SLC26A4: variants seen among roughly 807,000 people sequenced by gnomAD.
The protein encoded by SLC26A4 is solute carrier family 26 member 4.
In SLC26A4, 93 loss-of-function variants were observed where a neutral mutation model predicts 90.4. That is an observed-to-expected ratio of 1.03 (90% CI 0.87 to 1.22). The LOEUF is 1.22. Ranked by LOEUF, SLC26A4 falls within the 50% of genes most tolerant of loss-of-function variation. SLC26A4 has a pLI of 0.00. For missense variants in SLC26A4, 1,127 were observed against 946.2 expected, an observed-to-expected ratio of 1.19 and a Z score of -2.51; for synonymous variants, 393 against 354.6, an observed-to-expected ratio of 1.11 and a Z score of -1.22.
intron 10 of SLC26A4, among the ~76,000 whole-genome samples, 162 bp from the exon 11 acceptor site, chr7:107,694,241 G>A (rs1287252511): frequency 6.6e-6 from 1 of 152,150 alleles, no homozygotes; most frequent in Non-Finnish European, 1.5e-5. Context: ...TTTGTGGCTT[G>A]AGCAAATAAC....
chr7:107,684,379 G>A (rs1465784422), intron 8 of SLC26A4, among the ~76,000 whole-genome samples: 1 of 152,204 alleles, frequency 6.6e-6, no homozygotes, highest in African/African-American at 2.4e-5. Flanking sequence ...GGAGGGGAGG[G>A]AAGGGCACGG....
rs777544398 is a variant in SLC26A4, at chr7:107,683,512, G to A, written c.976G>A (p.Gly326Ser). Reference sequence around the variant, plus strand: ...CAACCTGGAAAAAAATTACAATGCTGGCATTGTTAAATCCATCCCAAGGGG... The same window carrying A: ...CAACCTGGAAAAAAATTACAATGCTAGCATTGTTAAATCCATCCCAAGGGG... ...GANLEKNYNA[G>S]IVKSIPRGFL... The change falls in exon 8 of 21, where the codon GGC becomes AGC. Residue 326 changes from glycine to serine, a missense_variant. Gly to Ser is a moderately conservative substitution (Grantham distance 56, BLOSUM62 0). Coordinates refer to ENST00000644269, the MANE Select transcript of SLC26A4 (RefSeq NM_000441.2). 4 of 1,613,548 alleles carry A rather than the reference G, an allele frequency of 2.5e-6. No individual in the cohort carries two copies. The South Asian group carries it at 4.4e-5, about 18-fold the overall frequency.
At chr7:107,714,546 T>C (rs1165141554) in intron 20 of SLC26A4, among the ~76,000 whole-genome samples, 3 of 152,170 alleles carry the variant, frequency 2.0e-5, no homozygotes, top group Non-Finnish European at 4.4e-5. Flanking sequence ...GGATATAGGG[T>C]GCCTTAGTTT....
At position 107,710,132 on chromosome 7, in the gene SLC26A4, A is replaced by T; in HGVS notation, c.2168A>T (p.His723Leu). 6.2e-7 allele frequency: 1 copy of T among 1,609,094 alleles called. No homozygotes were observed. The highest frequency in any genetic ancestry group is 1.1e-5 in the South Asian group (1 of 90,998). ...IRKDTFFLTV[H>L]DAILYLQNQV... ...AAGGACACATTCTTTTTGACGGTCC[A>T]TGATGCTATACTCTATCTACAGAAC... is the stretch of plus-strand genomic sequence containing the variant. The change falls in exon 19 of 21, where the codon CAT becomes CTT. Residue 723 changes from histidine (H) to leucine (L), a missense_variant. Coordinates refer to ENST00000644269, the MANE Select transcript of SLC26A4 (RefSeq NM_000441.2).
intron 6 of SLC26A4, among the ~76,000 whole-genome samples, chr7:107,678,722 TAA>T (rs1243904332): frequency 1.5e-5 from 2 of 134,140 alleles, no homozygotes; most frequent in Non-Finnish European, 1.6e-5. Context: ...GTGGTGAATA[TAA>T]GTTTGCTCTT....
intron 20 of SLC26A4, among the ~76,000 whole-genome samples, 168 bp from the exon 21 acceptor site, chr7:107,715,255 T>C (rs1471895623): frequency 1.3e-5 from 2 of 150,828 alleles, no homozygotes; most frequent in African/African-American, 4.9e-5. Flanking sequence ...AAAAAAAGTA[T>C]AATGAATACG....
At chr7:107,711,518 G>A (rs1466551901) in intron 19 of SLC26A4, among the ~76,000 whole-genome samples, 3 of 152,134 alleles carry the variant, frequency 2.0e-5, no homozygotes, top group Non-Finnish European at 4.4e-5. Context: ...TAAACAAATA[G>A]ACTAAGCATA....
At chr7:107,701,356 C>T (rs113982162) in intron 16 of SLC26A4, among the ~76,000 whole-genome samples, 160 bp downstream of exon 16, 10 of 152,156 alleles carry the variant, frequency 6.6e-5, no homozygotes, top group East Asian at 1.9e-4. Context: ...TATAGGCAAG[C>T]GGGAGTGGAA....
chr7:107,667,277 A>T (rs903422000), intron 3 of SLC26A4, among the ~76,000 whole-genome samples: 7 of 151,958 alleles, frequency 4.6e-5, no homozygotes, highest in Admixed American at 2.0e-4. Context: ...GATATTTACA[A>T]GAGTGGGAAT....
At chr7:107,715,066 T>TA (rs543905042) in intron 20 of SLC26A4, among the ~76,000 whole-genome samples, 3,434 of 98,656 alleles carry the variant, frequency 0.035, 96 homozygotes, top group African/African-American at 0.059. Context: ...CCATCTCTAC[T>TA]AAAAAAAAAA....
intron 19 of SLC26A4, among the ~76,000 whole-genome samples, chr7:107,712,296 T>C (rs1420079879): frequency 2.6e-5 from 4 of 152,016 alleles, no homozygotes; most frequent in African/African-American, 4.8e-5. Context: ...ACTCAAGAGG[T>C]TGGGGAAGAG....
chr7:107,676,305 T>C (rs1791022387), intron 6 of SLC26A4, among the ~76,000 whole-genome samples: 1 of 152,258 alleles, frequency 6.6e-6, no homozygotes, highest in African/African-American at 2.4e-5. Flanking sequence ...TTTGAAATGA[T>C]TATTTCAAGC....
chr7:107,666,859 A>T (rs1312617457), intron 3 of SLC26A4, among the ~76,000 whole-genome samples: 1 of 152,170 alleles, frequency 6.6e-6, no homozygotes, highest in Non-Finnish European at 1.5e-5. Context: ...GCCTCACCCT[A>T]TTCCTGGCCC....
chr7:107,713,611 T>C (rs1792255381), intron 20 of SLC26A4, among the ~76,000 whole-genome samples: 1 of 152,202 alleles, frequency 6.6e-6, no homozygotes, highest in African/African-American at 2.4e-5. Flanking sequence ...AAACCCTAAA[T>C]GCGGCCAGGC....
chr7:107,681,100 C>A (rs1248603599), intron 6 of SLC26A4, among the ~76,000 whole-genome samples: 1 of 152,018 alleles, frequency 6.6e-6, no homozygotes, highest in African/African-American at 2.4e-5. Context: ...CTCTGCTGTC[C>A]CTGGCATCAT....
Position 107,690,249 on chromosome 7 carries a change from A to G in SLC26A4, c.1263+12A>G, listed in dbSNP as rs763038305. On this transcript the variant is annotated intron_variant, in intron 10 of 20. Transcript: ENST00000644269. ...GAGGAAAGACACAGGTAGGAACAAC[A>G]GCCTTATGATATCCATCTCAGAGAA... The G allele has an allele frequency of 7.0e-6, 10 of 1,434,682 alleles. No homozygotes were observed. The highest frequency in any genetic ancestry group is 5.7e-5 in the South Asian group (5 of 87,638). 88.9% of individuals were successfully genotyped at this position (1,434,682 alleles called of 1,614,324 possible). A position where few individuals can be genotyped will look rare whatever the true frequency, so the allele number is the denominator to read the frequency against.
chr7:107,698,095 C>T lies in SLC26A4; in HGVS notation c.1598C>T (p.Thr533Ile). The T allele has an allele frequency of 1.2e-6, 2 of 1,607,056 alleles. No homozygotes were observed. The highest frequency in any genetic ancestry group is 2.2e-5 in the East Asian group (1 of 44,820). Residue 533 changes from threonine to isoleucine, a missense_variant, in exon 14 of 21, where the codon ACC (threonine) becomes ATC (isoleucine). Coordinates refer to ENST00000644269, the MANE Select transcript of SLC26A4 (RefSeq NM_000441.2). ...SIPSTDIYKS[T>I]KNYKNIEEPQ... ...CCTAGCACAGATATCTACAAAAGTA[C>T]CAAGAATTACAAAAACGTAAGTACC...
intron 12 of SLC26A4, 125 bp from the exon 13 acceptor site, chr7:107,695,808 A>G: frequency 4.3e-6 from 3 of 703,878 alleles, no homozygotes. Flanking sequence ...GTGTGACCCT[A>G]TCTCAAAAGA....
chr7:107,695,557 C>G (rs1365318833), intron 12 of SLC26A4, among the ~76,000 whole-genome samples: 3 of 152,046 alleles, frequency 2.0e-5, no homozygotes, highest in African/African-American at 7.2e-5. Context: ...GCCTGTAATC[C>G]CAGCAATTTG....
Sources: gnomAD v4.1 joint callset for allele counts (sites outside exome capture counted in the v4.1 genomes callset) on GRCh38, gnomAD v4.1.1 for gene constraint, MANE v1.5 for transcripts, NCBI Gene and HGNC (gene_info 2026-07-23, HGNC 2026-07-21) for gene names.